Variants in ERCC6L observed in about 807,000 individuals in gnomAD.
ERCC6L encodes ERCC excision repair 6 like, spindle assembly checkpoint helicase.
Under a neutral mutation model 20.1 loss-of-function variants are expected in ERCC6L, and 7 were observed. The ratio of observed to expected loss-of-function variants is 0.35; its 90% CI spans 0.20 to 0.65. The LOEUF is 0.65. Ranked by LOEUF, ERCC6L falls within the 30% of genes least tolerant of loss-of-function variation. The pLI, the probability that ERCC6L is intolerant of heterozygous loss-of-function variation, is 0.69. For missense variants in ERCC6L, 592 were observed against 892.4 expected (o/e 0.66, Z 4.29); for synonymous variants, 278 against 331.3 (o/e 0.84, Z 1.75).
At chrX:72,228,620 T>G (rs1038473452) in intron 1 of ERCC6L, among the ~76,000 whole-genome samples, 3 of 111,898 alleles carry the variant, frequency 2.7e-5, no homozygotes, top group Non-Finnish European at 5.6e-5. Context: ...TTACAGTCCT[T>G]CAGCGGTACC....
At chrX:72,208,734 C>T (rs1479370140) in intron 1 of ERCC6L, 36 bp from the exon 2 acceptor site, 1 of 1,073,266 alleles carries the variant, frequency 9.3e-7, no homozygotes, top group East Asian at 3.0e-5. Context: ...AGAAAGGAAA[C>T]ATTGAACATT....
At chrX:72,213,918 G>A (rs1243646057) in intron 1 of ERCC6L, among the ~76,000 whole-genome samples, 1 of 111,965 alleles carries the variant, frequency 8.9e-6, no homozygotes, top group Non-Finnish European at 1.9e-5. Context: ...AGACCTGTCC[G>A]TTAACAGTTT....
At chrX:72,222,832 G>A (rs983286077) in intron 1 of ERCC6L, among the ~76,000 whole-genome samples, 18 of 106,215 alleles carry the variant, frequency 1.7e-4, no homozygotes, top group African/African-American at 4.4e-4. Context: ...TCCTGACCTC[G>A]TGATCCACCC....
intron 1 of ERCC6L, among the ~76,000 whole-genome samples, chrX:72,224,296 C>T (rs187300194): frequency 1.2e-4 from 13 of 111,705 alleles, no homozygotes; most frequent in African/African-American, 3.9e-4. Context: ...CACTCTCACT[C>T]ACTCTTTCTT....
At chrX:72,216,665 A>G (rs2042888921) in intron 1 of ERCC6L, among the ~76,000 whole-genome samples, 1 of 111,536 alleles carries the variant, frequency 9.0e-6, no homozygotes, top group Non-Finnish European at 1.9e-5. Context: ...ATCATATAGT[A>G]TTTGTCCTTT....
At chrX:72,222,269 G>A (rs1221670173) in intron 1 of ERCC6L, among the ~76,000 whole-genome samples, 3 of 112,001 alleles carry the variant, frequency 2.7e-5, no homozygotes, top group Admixed American at 9.5e-5. Context: ...ATTCCTGCAC[G>A]TAACCCAATC....
chrX:72,222,650 C>T (rs907801155), intron 1 of ERCC6L, among the ~76,000 whole-genome samples: 10 of 102,221 alleles, frequency 9.8e-5, no homozygotes, highest in African/African-American at 1.5e-4. Context: ...CAGGTTGGAA[C>T]GCAGTAGCGC....
intron 1 of ERCC6L, among the ~76,000 whole-genome samples, chrX:72,211,007 T>A (rs1039901947): frequency 3.6e-5 from 4 of 112,196 alleles, no homozygotes; most frequent in African/African-American, 9.7e-5. Flanking sequence ...TAAATGCTTT[T>A]AATAGCACTG....
At chrX:72,232,883 G>A (rs961356559) in intron 1 of ERCC6L, among the ~76,000 whole-genome samples, 17 of 108,947 alleles carry the variant, frequency 1.6e-4, no homozygotes, top group African/African-American at 5.4e-4. Flanking sequence ...CAGGTGGATC[G>A]CTTGAGACTA....
chrX:72,238,943 GGGAGTTTGGAGCTT>G lies in ERCC6L; in HGVS notation c.-46_-33del, dbSNP rs1556405332. On this transcript the variant is annotated 5_prime_UTR_variant, in exon 1 of 2. It introduces an in-frame stop codon into an upstream open reading frame of the 5' UTR. Transcript: ENST00000334463. Reference sequence around the variant, plus strand: ...CGGATTGGGTTCCAGTTACCCCGGCGGGAGTTTGGAGCTTGGAGCTTGGAGCTTGGAGCTTGGAG... The same window carrying G: ...CGGATTGGGTTCCAGTTACCCCGGCGGGAGCTTGGAGCTTGGAGCTTGGAG... The G allele has an allele frequency of 8.9e-7, 1 of 1,123,016 alleles. No homozygotes were observed. The highest frequency in any genetic ancestry group is 1.2e-6 in the Non-Finnish European group (1 of 834,570). The allele number at this position is 1,123,016 out of a possible 1,213,427, so 92.5% of individuals were successfully genotyped here.
In ERCC6L at chrX:72,238,942, C is replaced by CG. The variant is rs1556405327; in HGVS notation, c.-32dup. The CG allele has an allele frequency of 7.9e-6, 9 of 1,133,005 alleles. No homozygotes were observed. Among genetic ancestry groups the CG allele is most frequent in the Admixed American group, 7.4e-5 (3 of 40,683 alleles). 93.4% of individuals were successfully genotyped at this position (1,133,005 alleles called of 1,213,427 possible). Reference sequence around the variant, plus strand: ...TCGGATTGGGTTCCAGTTACCCCGGCGGGAGTTTGGAGCTTGGAGCTTGGA... The same window carrying CG: ...TCGGATTGGGTTCCAGTTACCCCGGCGGGGAGTTTGGAGCTTGGAGCTTGGA... On this transcript the variant is annotated 5_prime_UTR_variant, in exon 1 of 2. It introduces an in-frame stop codon into an upstream open reading frame of the 5' UTR. Coordinates refer to ENST00000334463, the MANE Select transcript of ERCC6L (RefSeq NM_017669.4).
In ERCC6L at chrX:72,206,491, C is replaced by T. The variant is rs45448501; in HGVS notation, c.2276G>A (p.Ser759Asn). Residue 759 changes from serine to asparagine, a missense_variant, in exon 2 of 2, where the codon AGT (serine) becomes AAT (asparagine). By Grantham distance (46) the Ser-to-Asn change is conservative (BLOSUM62 1). Around this residue, in one of 3 missense-constraint regions of ERCC6L, gnomAD observed 352 missense variants for 402.6 expected, o/e 0.87. Transcript: ENST00000334463. ...KPQPQPSPLLSTHHTQEEDIS... is the reference protein window; with the variant it reads ...KPQPQPSPLLNTHHTQEEDIS... Reference sequence around the variant, plus strand: ...ATCTTCTTCCTGAGTATGATGAGTACTTAGAAGAGGTGAAGGCTGAGGCTG... The same window carrying T: ...ATCTTCTTCCTGAGTATGATGAGTATTTAGAAGAGGTGAAGGCTGAGGCTG... 48,516 of 1,209,467 alleles carry T rather than the reference C, an allele frequency of 0.04. 773 individuals are homozygous for T. The highest frequency in any genetic ancestry group is 0.049 in the Non-Finnish European group (43,456 of 895,081).
intron 1 of ERCC6L, among the ~76,000 whole-genome samples, chrX:72,234,907 G>A (rs1462802781): frequency 1.8e-5 from 2 of 111,423 alleles, no homozygotes; most frequent in African/African-American, 3.3e-5. Flanking sequence ...TACAATGGAT[G>A]AGTGAATACA....
In ERCC6L at chrX:72,205,430, T is replaced by G. The variant is rs1348801565; in HGVS notation, c.3337A>C (p.Arg1113=). ...VLDHVEDMEE[R]LDDSSEAKGP... ...TTTGCTTCACTGCTGTCGTCAAGTC[T>G]TTCCTCCATGTCCTCCACGTGGTCT... is the stretch of plus-strand genomic sequence containing the variant. Residue 1113 remains arginine (R), a synonymous_variant, in exon 2 of 2, where the codon AGA becomes CGA. Coordinates refer to ENST00000334463, the MANE Select transcript of ERCC6L (RefSeq NM_017669.4). The G allele has an allele frequency of 1.3e-5, 16 of 1,210,558 alleles. No homozygotes were observed. Among genetic ancestry groups the G allele is most frequent in the Non-Finnish European group, 1.8e-5 (16 of 895,404 alleles).
chrX:72,206,930 T>C lies in ERCC6L; in HGVS notation c.1837A>G (p.Lys613Glu), dbSNP rs1379308095. The C allele has an allele frequency of 2.9e-5, 35 of 1,209,517 alleles. No homozygotes were observed. Among genetic ancestry groups the C allele is most frequent in the Non-Finnish European group, 3.7e-5 (33 of 895,063 alleles). Residue 613 changes from lysine (K) to glutamate (E), a missense_variant, in exon 2 of 2, where the codon AAG becomes GAG. Transcript: ENST00000334463. ...SLIRQTTGEK[K>E]NPFRYFSKQE... Reference sequence around the variant, plus strand: ...TTACTAAAATATCGGAAAGGGTTCTTTTTTTCACCAGTAGTTTGTCTTATT... The same window carrying C: ...TTACTAAAATATCGGAAAGGGTTCTCTTTTTCACCAGTAGTTTGTCTTATT...
intron 1 of ERCC6L, among the ~76,000 whole-genome samples, chrX:72,210,716 A>T (rs1022804382): frequency 6.3e-5 from 7 of 111,445 alleles, no homozygotes; most frequent in African/African-American, 2.3e-4. Flanking sequence ...ACCAGCCTAA[A>T]ATACTTATTG....
chrX:72,206,657 C>G lies in ERCC6L; in HGVS notation c.2110G>C (p.Ala704Pro). Residue 704 changes from alanine (A) to proline (P), a missense_variant, in exon 2 of 2, where the codon GCT becomes CCT. Physicochemically the swap from Ala to Pro is conservative, Grantham distance 27 (BLOSUM62 -1). Coordinates refer to ENST00000334463, the MANE Select transcript of ERCC6L (RefSeq NM_017669.4). Reference sequence around the variant, plus strand: ...GACTCGAATTCAACGAGGAATTGAGCTTTCTGAACCCTTTGTTGAATATAG... The same window carrying G: ...GACTCGAATTCAACGAGGAATTGAGGTTTCTGAACCCTTTGTTGAATATAG... ...SHYIQQRVQK[A>P]QFLVEFESQN... is the part of the protein sequence containing the mutation. 1 of 1,211,555 alleles carries G rather than the reference C, an allele frequency of 8.3e-7. No homozygotes were observed. Among genetic ancestry groups the G allele is most frequent in the East Asian group, 3.0e-5 (1 of 33,841 alleles).
chrX:72,214,688 A>T (rs990975033), intron 1 of ERCC6L, among the ~76,000 whole-genome samples: 12 of 106,945 alleles, frequency 1.1e-4, no homozygotes, highest in African/African-American at 4.1e-4. Context: ...AAAAAAAAAA[A>T]ACAAAACAAA....
At chrX:72,208,824 A>G (rs2042836162) in intron 1 of ERCC6L, 126 bp from the exon 2 acceptor site, 3 of 539,460 alleles carry the variant, frequency 5.6e-6, no homozygotes, top group Non-Finnish European at 8.7e-6. Flanking sequence ...AGGATGGGAA[A>G]GATTAGCACA....
Sources: allele counts gnomAD v4.1 joint callset (sites outside exome capture counted in the v4.1 genomes callset), GRCh38; gene constraint gnomAD v4.1.1; regional missense constraint gnomAD v4.1.1; transcripts MANE v1.5; gene names NCBI Gene and HGNC (gene_info 2026-07-23, HGNC 2026-07-21).